The following LARP4B variants were observed in gnomAD, a reference collection of about 807,000 sequenced individuals.
LARP4B encodes the protein la-related protein 4B.
Under a neutral mutation model 89.8 loss-of-function variants are expected in LARP4B, and 12 were observed. That is an observed-to-expected ratio of 0.13 (90% confidence interval 0.09 to 0.22). The LOEUF is 0.22. Among genes scored for constraint, LARP4B ranks in the 10% least tolerant of loss-of-function variants. LARP4B has a pLI of 1.00. For synonymous variants in LARP4B, 367 were observed against 363.3 expected, an observed-to-expected ratio of 1.01 and a Z score of -0.12; for missense variants, 757 against 947.7, an observed-to-expected ratio of 0.80 and a Z score of 2.64.
intron 8 of LARP4B, among the ~76,000 whole-genome samples, chr10:835,997 C>T (rs1186277650): frequency 2.0e-5 from 3 of 151,994 alleles, no homozygotes; most frequent in African/African-American, 7.3e-5. Flanking sequence ...CTGGCTTGGA[C>T]CAGGCTGCAC....
At chr10:833,433 A>C (rs1820190750) in intron 8 of LARP4B, among the ~76,000 whole-genome samples, 1 of 152,218 alleles carries the variant, frequency 6.6e-6, no homozygotes, top group Non-Finnish European at 1.5e-5. Context: ...ATGCCAAAAA[A>C]GGAGATAAAA....
At chr10:978,937 C>T in the LARP4B span, among the ~76,000 whole-genome samples, 12 of 151,966 alleles carry the variant, frequency 7.9e-5, no homozygotes, top group Admixed American at 2.0e-4. Context: ...TTCCCACCCC[C>T]CCTCCTTAAT....
intron 5 of LARP4B, among the ~76,000 whole-genome samples, chr10:857,473 A>G (rs1834359676): frequency 6.6e-6 from 1 of 152,128 alleles, no homozygotes; most frequent in Non-Finnish European, 1.5e-5. Context: ...CTCAGAAACA[A>G]AAGTTTTTTG....
intron 1 of LARP4B, among the ~76,000 whole-genome samples, chr10:917,925 G>A (rs1160882236): frequency 1.3e-5 from 2 of 152,158 alleles, no homozygotes; most frequent in East Asian, 3.8e-4. Context: ...AATGGGGACT[G>A]GAGAGAGAAA....
intron 8 of LARP4B, 41 bp downstream of exon 8, chr10:836,362 G>C: frequency 7.3e-7 from 1 of 1,366,074 alleles, no homozygotes; most frequent in South Asian, 1.2e-5. Context: ...AAAGACCTTT[G>C]GGAAAATGTC....
intron 1 of LARP4B, among the ~76,000 whole-genome samples, chr10:906,971 G>A (rs1288357605): frequency 2.0e-5 from 3 of 152,136 alleles, no homozygotes; most frequent in Non-Finnish European, 4.4e-5. Context: ...CTAAAGCGAG[G>A]GACTCGCAAC....
chr10:825,156 G>C lies in LARP4B; in HGVS notation c.1393C>G (p.Gln465Glu). Reference sequence around the variant, plus strand: ...CTCTTGGCATATGCTGAAGGGTTTTGAATCCGTGTTCTAGTTTGACCTGCT... The same window carrying C: ...CTCTTGGCATATGCTGAAGGGTTTTCAATCCGTGTTCTAGTTTGACCTGCT... ...RQAGQTRTRI[Q>E]NPSAYAKREA... Residue 465 changes from glutamine to glutamate, a missense_variant, in exon 13 of 18, where the codon CAA becomes GAA. Around this residue, in one of 5 missense-constraint regions of LARP4B, gnomAD observed 387 missense variants for 423.6 expected, o/e 0.91. Transcript: ENST00000316157. 1 of 1,614,186 alleles carries C rather than the reference G, an allele frequency of 6.2e-7. No individual in the cohort carries two copies. The highest frequency in any genetic ancestry group is 8.5e-7 in the Non-Finnish European group (1 of 1,180,036).
At chr10:983,703 T>C in the LARP4B span, among the ~76,000 whole-genome samples, 5 of 152,252 alleles carry the variant, frequency 3.3e-5, no homozygotes, top group South Asian at 2.1e-4. Flanking sequence ...CAAGGCTCCA[T>C]CTCCAAACAC....
chr10:849,406 T>C lies in LARP4B; in HGVS notation c.431-4351A>G, dbSNP rs1046231666. 4.6e-5 allele frequency among the ~76,000 whole-genome samples: 7 copies of C among 152,126 alleles called. No homozygotes were observed. The East Asian group carries it at 1.3e-3, about 29-fold the overall frequency. On this transcript the variant is annotated intron_variant, in intron 5 of 17. Transcript: ENST00000316157. ...GACCAGAACTCCTGATGGCCAAAGC[T>C]AGAAGAACAATTTGAGCAACAAAAT...
the LARP4B span, among the ~76,000 whole-genome samples, chr10:983,461 T>G: frequency 6.6e-6 from 1 of 152,060 alleles, no homozygotes. Context: ...CTTTTCACAG[T>G]TTTGGAGACT....
chr10:863,715 G>A (rs1564415083), intron 5 of LARP4B, 28 bp downstream of exon 5: 2 of 1,564,340 alleles, frequency 1.3e-6, no homozygotes, highest in Non-Finnish European at 1.7e-6. Context: ...ATATTCCCTG[G>A]GAAAATGCAC....
At chr10:848,539 GAAGTCAGGT>G (rs1357943287) in intron 5 of LARP4B, among the ~76,000 whole-genome samples, 1 of 150,416 alleles carries the variant, frequency 6.6e-6, no homozygotes, top group African/African-American at 2.5e-5. Flanking sequence ...ATATGTTCAC[GAAGTCAGGT>G]AAGGACATAA....
At chr10:918,998 G>A (rs1001063487) in intron 1 of LARP4B, among the ~76,000 whole-genome samples, 3 of 151,830 alleles carry the variant, frequency 2.0e-5, no homozygotes, top group South Asian at 2.1e-4. Flanking sequence ...GGAGAATGGC[G>A]TGAACCCGAG....
Position 863,686 on chromosome 10 carries a change from AAAAT to A in LARP4B, c.430+53_430+56del, listed in dbSNP as rs148783835. On this transcript the variant is annotated intron_variant, in intron 5 of 17. Transcript: ENST00000316157. ...GAGAATGTTAATACTCTAAATAAAA[AAAAT>A]AAATAAAGCAGCCCATATTCCCTGG... 1,744 of 1,512,250 alleles carry A rather than the reference AAAAT, an allele frequency of 1.2e-3. 28 individuals are homozygous for A. In the East Asian group the frequency reaches 0.03, roughly 26 times the overall value. The allele number at this position is 1,512,250 out of a possible 1,614,324, so 93.7% of individuals were successfully genotyped here.
At position 822,396 on chromosome 10, in the gene LARP4B, C is replaced by A. The variant is rs531887982; in HGVS notation, c.1485-1551G>T. On this transcript the variant is annotated intron_variant, in intron 13 of 17. Coordinates refer to ENST00000316157, the MANE Select transcript of LARP4B (RefSeq NM_015155.3). This position sits in a 1 kb window ranked among gnomAD's most constrained non-coding sequence, Gnocchi z 4.6. ...CCAAGGGCAGCCTGCTCGTCACTAC[C>A]GGCTGGGACGCAGGGGCACCCATCC... 6.6e-6 allele frequency among the ~76,000 whole-genome samples: 1 copy of A among 152,200 alleles called. No individual in the cohort carries two copies. Among genetic ancestry groups the A allele is most frequent in the Non-Finnish European group, 1.5e-5 (1 of 68,020 alleles).
At chr10:863,389 AT>A (rs1303375401) in intron 5 of LARP4B, among the ~76,000 whole-genome samples, 1 of 151,228 alleles carries the variant, frequency 6.6e-6, no homozygotes, top group South Asian at 2.1e-4. Flanking sequence ...CGCCCAGCTG[AT>A]TTTTTTTGTA....
intron 11 of LARP4B, among the ~76,000 whole-genome samples, chr10:827,012 T>C (rs368995818): frequency 2.4e-3 from 359 of 152,304 alleles, no homozygotes; most frequent in South Asian, 0.011. Flanking sequence ...CAGTGGCTCA[T>C]GCCTATAACC....
intron 3 of LARP4B, among the ~76,000 whole-genome samples, chr10:870,666 T>A (rs1171359234): frequency 6.6e-6 from 1 of 152,260 alleles, no homozygotes; most frequent in Non-Finnish European, 1.5e-5. Context: ...AGGCAGTCAG[T>A]AATTCTGGGG....
At chr10:852,280 A>G (rs1755655574) in intron 5 of LARP4B, among the ~76,000 whole-genome samples, 1 of 152,378 alleles carries the variant, frequency 6.6e-6, no homozygotes, top group Admixed American at 6.5e-5. Flanking sequence ...GGAATCCAGT[A>G]GTATATCCAA....
Sources: gnomAD v4.1 joint callset for allele counts (sites outside exome capture counted in the v4.1 genomes callset) on GRCh38, gnomAD v4.1.1 for gene constraint, gnomAD v4.1.1 regional missense constraint, Gnocchi (gnomAD v3.1) non-coding constraint, MANE v1.5 for transcripts, NCBI Gene and HGNC (gene_info 2026-07-23, HGNC 2026-07-21) for gene names.